Variants in ZNF438 observed in about 807,000 individuals in gnomAD.
The protein encoded by ZNF438 is zinc finger protein 438.
ZNF438 carries 25 observed loss-of-function variants against 38.0 expected under a neutral mutation model. The ratio of observed to expected loss-of-function variants is 0.66; its 90% CI spans 0.48 to 0.92. The LOEUF (loss-of-function observed/expected upper bound fraction) is 0.92. ZNF438 is among the 40% of genes least tolerant of loss of function. ZNF438 has a pLI of 0.00. For synonymous variants in ZNF438, 372 were observed against 364.1 expected (o/e 1.02, Z -0.25); for missense variants, 1,007 against 999.6 (o/e 1.01, Z -0.10).
intron 2 of ZNF438, among the ~76,000 whole-genome samples, chr10:30,915,507 G>A (rs2043522846): frequency 6.6e-6 from 1 of 151,968 alleles, no homozygotes; most frequent in Non-Finnish European, 1.5e-5. Context: ...AAGAGTAAAG[G>A]GTTGGGGTAA....
chr10:30,873,498 T>G (rs376578256), intron 4 of ZNF438, among the ~76,000 whole-genome samples: 2 of 152,228 alleles, frequency 1.3e-5, no homozygotes, highest in African/African-American at 4.8e-5. Flanking sequence ...TTGCTTGACT[T>G]GTACATATAT....
intron 5 of ZNF438, 103 bp downstream of exon 6, chr10:30,848,428 C>T: frequency 7.4e-7 from 1 of 1,355,444 alleles, no homozygotes; most frequent in Non-Finnish European, 1.0e-6. Flanking sequence ...AATCTTAATC[C>T]TAGAGATGTT....
intron 1 of ZNF438, among the ~76,000 whole-genome samples, chr10:30,961,255 TAA>T (rs769360960): frequency 1.6e-4 from 19 of 115,252 alleles, no homozygotes; most frequent in African/African-American, 4.9e-4. Context: ...AAAAAAAAAT[TAA>T]AAAAAAAAAT....
intron 3 of ZNF438, among the ~76,000 whole-genome samples, chr10:30,904,150 C>A (rs2042342329): frequency 6.6e-6 from 1 of 152,156 alleles, no homozygotes; most frequent in Non-Finnish European, 1.5e-5. Context: ...ATCAGCAAAT[C>A]ACATAATTCT....
exon 4 of ZNF438, chr10:30,877,040 T>C (rs1241861314): frequency 1.2e-6 from 2 of 1,603,878 alleles, no homozygotes; most frequent in Non-Finnish European, 1.7e-6. Flanking sequence ...TGCATTATGA[T>C]GTACTGGACT....
intron 1 of ZNF438, among the ~76,000 whole-genome samples, chr10:30,977,590 C>A (rs1303636063): frequency 6.6e-6 from 1 of 152,158 alleles, no homozygotes; most frequent in Non-Finnish European, 1.5e-5. Flanking sequence ...TCTCATTAGT[C>A]ACACAGCCAC....
intron 1 of ZNF438, among the ~76,000 whole-genome samples, chr10:31,015,401 T>C (rs2056111996): frequency 6.6e-6 from 1 of 152,148 alleles, no homozygotes; most frequent in African/African-American, 2.4e-5. Context: ...CCCAGCACTT[T>C]GGGAGGCAGA....
intron 2 of ZNF438, among the ~76,000 whole-genome samples, chr10:30,936,566 C>T (rs1156860954): frequency 6.6e-6 from 1 of 152,102 alleles, no homozygotes; most frequent in Non-Finnish European, 1.5e-5. Flanking sequence ...CCCAGCTACT[C>T]AAGAGGCTGA....
chr10:30,931,359 A>G (rs1252160716), intron 2 of ZNF438, among the ~76,000 whole-genome samples: 1 of 152,258 alleles, frequency 6.6e-6, no homozygotes, highest in African/African-American at 2.4e-5. Flanking sequence ...TAGTTACAGA[A>G]ACAATTAAGT....
chr10:30,877,386 T>C (rs1047801026), intron 3 of ZNF438, among the ~76,000 whole-genome samples: 4 of 152,214 alleles, frequency 2.6e-5, no homozygotes, highest in African/African-American at 9.6e-5. Context: ...CTCTGATAAT[T>C]GCTTCATATA....
chr10:30,888,080 T>C (rs938387772), intron 3 of ZNF438, among the ~76,000 whole-genome samples: 3 of 152,212 alleles, frequency 2.0e-5, no homozygotes, highest in African/African-American at 7.2e-5. Context: ...TGAATTAATA[T>C]AAATATAAAT....
chr10:30,967,427 A>G (rs927749288), intron 1 of ZNF438, among the ~76,000 whole-genome samples: 1 of 152,224 alleles, frequency 6.6e-6, no homozygotes, highest in African/African-American at 2.4e-5. Context: ...TAAGTAGGCT[A>G]AAAGTAAGAT....
intron 1 of ZNF438, among the ~76,000 whole-genome samples, chr10:30,947,794 G>A (rs1200757859): frequency 1.3e-5 from 2 of 152,306 alleles, no homozygotes; most frequent in Non-Finnish European, 2.9e-5. Flanking sequence ...TTTTCCAGGT[G>A]CCATCTGTCA....
intron 1 of ZNF438, among the ~76,000 whole-genome samples, chr10:31,024,485 G>T (rs56242693): frequency 6.6e-6 from 1 of 152,066 alleles, no homozygotes; most frequent in African/African-American, 2.4e-5. Context: ...AAAATTAGCC[G>T]GGCTTGGTGG....
At chr10:30,995,447 A>T (rs1268917452) in intron 1 of ZNF438, among the ~76,000 whole-genome samples, 1 of 152,262 alleles carries the variant, frequency 6.6e-6, no homozygotes, top group East Asian at 1.9e-4. Flanking sequence ...AGGCATCCCC[A>T]GAAAAATAAA....
intron 2 of ZNF438, among the ~76,000 whole-genome samples, chr10:30,915,334 G>A (rs564542737): frequency 6.6e-6 from 1 of 152,086 alleles, no homozygotes; most frequent in South Asian, 2.1e-4. Context: ...ACAAGATATT[G>A]CAGAACTCTG....
At chr10:31,019,998 A>G (rs573384513) in intron 1 of ZNF438, among the ~76,000 whole-genome samples, 2 of 152,360 alleles carry the variant, frequency 1.3e-5, no homozygotes, top group South Asian at 4.1e-4. Flanking sequence ...ATTGAAGAAC[A>G]TGTAACTCTT....
At chr10:30,894,652 CAAAA>C (rs2041103598) in intron 3 of ZNF438, among the ~76,000 whole-genome samples, 1 of 151,306 alleles carries the variant, frequency 6.6e-6, no homozygotes, top group Non-Finnish European at 1.5e-5. Flanking sequence ...GTAGCAATCA[CAAAA>C]GAAAGAAAAA....
intron 4 of ZNF438, among the ~76,000 whole-genome samples, chr10:30,861,573 A>G (rs1219592594): frequency 6.6e-6 from 1 of 152,270 alleles, no homozygotes; most frequent in African/African-American, 2.4e-5. Context: ...AGGGCCATAT[A>G]GTTAATGTCC....
Sources: allele counts gnomAD v4.1 joint callset (sites outside exome capture counted in the v4.1 genomes callset), GRCh38; gene constraint gnomAD v4.1.1; transcripts MANE v1.5; gene names NCBI Gene and HGNC (gene_info 2026-07-23, HGNC 2026-07-21).